FGF14: variants seen among roughly 807,000 people sequenced by gnomAD.
FGF14 encodes fibroblast growth factor 14, also known as fibroblast growth factor homologous factor 4.
Under a neutral mutation model 25.5 loss-of-function variants are expected in FGF14, and 5 were observed. The observed-to-expected ratio is 0.20, with a 90% confidence interval of 0.10 to 0.41. FGF14 has a LOEUF of 0.41. Among genes scored for constraint, FGF14 ranks in the 10% least tolerant of loss-of-function variants. The probability of loss-of-function intolerance (pLI) is 1.00; values close to 1 mark genes in which losing one functional copy is unlikely to be tolerated. For missense variants in FGF14, 222 were observed against 320.1 expected (o/e 0.69, Z 2.34); for synonymous variants, 138 against 118.3 (o/e 1.17, Z -1.08).
At chr13:102,259,328 AC>A (rs2052601883) in intron 1 of FGF14, among the ~76,000 whole-genome samples, 1 of 150,312 alleles carries the variant, frequency 6.7e-6, no homozygotes, top group Non-Finnish European at 1.5e-5. Flanking sequence ...GCACATCCCC[AC>A]CCCCTGCCAT....
chr13:101,912,359 C>T (rs2033035818), intron 1 of FGF14, among the ~76,000 whole-genome samples: 1 of 152,110 alleles, frequency 6.6e-6, no homozygotes, highest in South Asian at 2.1e-4. Flanking sequence ...AAGTAAATCT[C>T]AAGAAACAAC....
chr13:102,392,920 A>G (rs893970479), intron 1 of FGF14, among the ~76,000 whole-genome samples: 1 of 152,206 alleles, frequency 6.6e-6, no homozygotes, highest in Non-Finnish European at 1.5e-5. Context: ...AGATATGATC[A>G]TGACACAGAA....
chr13:101,858,926 G>A (rs2044266813), intron 3 of FGF14, among the ~76,000 whole-genome samples: 1 of 152,030 alleles, frequency 6.6e-6, no homozygotes, highest in Non-Finnish European at 1.5e-5. Flanking sequence ...TCTCTCTTAA[G>A]TTAAAGACGA....
At chr13:101,944,265 G>A (rs914639154) in intron 1 of FGF14, among the ~76,000 whole-genome samples, 2 of 152,264 alleles carry the variant, frequency 1.3e-5, no homozygotes, top group African/African-American at 4.8e-5. Context: ...AGGATTAAAT[G>A]AAGTAATGCA....
At chr13:101,784,982 T>G (rs1396120540) in intron 3 of FGF14, among the ~76,000 whole-genome samples, 2 of 152,136 alleles carry the variant, frequency 1.3e-5, no homozygotes, top group Non-Finnish European at 2.9e-5. Context: ...CAGGATCACT[T>G]CTAGCTTTAT....
rs142812502 is a variant in FGF14 at position 102,313,964 on chromosome 13, C to T, written c.208+87507G>A. ...ACTCAGGCAGAAAATGCAGCCATTA[C>T]GAAACAACTCTGCCAGGCTGAGGCC... is the stretch of plus-strand genomic sequence containing the variant. On this transcript the variant is annotated intron_variant, in intron 1 of 4. Coordinates refer to the FGF14 transcript ENST00000376131. 1.2e-3 allele frequency among the ~76,000 whole-genome samples: 187 copies of T among 152,248 alleles called. 2 individuals carry two copies. Among genetic ancestry groups the T allele is most frequent in the African/African-American group, 4.0e-3 (167 of 41,558 alleles).
intron 1 of FGF14, among the ~76,000 whole-genome samples, chr13:101,999,134 A>G (rs2039342715): frequency 6.6e-6 from 1 of 152,216 alleles, no homozygotes; most frequent in Non-Finnish European, 1.5e-5. Flanking sequence ...CCTCAACCTT[A>G]TTATCTAATT....
chr13:101,939,513 G>T (rs1594777971), intron 1 of FGF14, among the ~76,000 whole-genome samples: 1 of 152,164 alleles, frequency 6.6e-6, no homozygotes, highest in East Asian at 1.9e-4. Context: ...CTTAAGTAAG[G>T]TTGAGTGAAG....
At chr13:101,967,454 T>C (rs1441751257) in intron 1 of FGF14, among the ~76,000 whole-genome samples, 1 of 152,224 alleles carries the variant, frequency 6.6e-6, no homozygotes. Context: ...AAAGCTTGAT[T>C]ATTTCAAGGT....
chr13:101,907,186 A>G (rs569909419), intron 1 of FGF14, among the ~76,000 whole-genome samples: 1 of 152,298 alleles, frequency 6.6e-6, no homozygotes, highest in African/African-American at 2.4e-5. Flanking sequence ...CTGTCCAAAC[A>G]CAAATACATG....
chr13:102,297,230 C>T (rs941645715), intron 1 of FGF14, among the ~76,000 whole-genome samples: 1 of 152,038 alleles, frequency 6.6e-6, no homozygotes, highest in African/African-American at 2.4e-5. Flanking sequence ...GAAGAACATT[C>T]TACAAAATAC....
chr13:102,390,619 T>C (rs988622726), intron 1 of FGF14, among the ~76,000 whole-genome samples: 2 of 152,248 alleles, frequency 1.3e-5, no homozygotes, highest in Admixed American at 6.5e-5. Context: ...AATCTTTTCA[T>C]GCTTGGGCTT....
In FGF14 at chr13:102,241,757, A is replaced by G. The variant is rs144385270; in HGVS notation, c.208+159714T>C. ...GAAGAAAGAGTTTGTTTAGAGTACA[A>G]TGAAGATAGACAAACCACTGGGGAC... On this transcript the variant is annotated intron_variant, in intron 1 of 4. Transcript: ENST00000376131. 6.6e-4 allele frequency among the ~76,000 whole-genome samples: 101 copies of G among 152,250 alleles called. No homozygotes were observed. The East Asian group carries it at 0.015, about 22-fold the overall frequency.
chr13:101,953,035 TA>T (rs2036274178), intron 1 of FGF14, among the ~76,000 whole-genome samples: 1 of 59,132 alleles, frequency 1.7e-5, no homozygotes, highest in South Asian at 4.9e-4. Context: ...ACTCCATCTC[TA>T]AATAAATAAA....
chr13:101,926,631 C>G (rs904347059), intron 1 of FGF14, among the ~76,000 whole-genome samples: 3 of 152,190 alleles, frequency 2.0e-5, no homozygotes, highest in African/African-American at 7.2e-5. Context: ...TTATAACATG[C>G]CTTTCATGAG....
chr13:102,163,444 T>G (rs996987560), intron 1 of FGF14, among the ~76,000 whole-genome samples: 1 of 152,132 alleles, frequency 6.6e-6, no homozygotes, highest in Non-Finnish European at 1.5e-5. Context: ...AAAGCAGTGT[T>G]GAGGCTCTGC....
chr13:102,327,179 A>T (rs1045729426), intron 1 of FGF14, among the ~76,000 whole-genome samples: 1 of 152,214 alleles, frequency 6.6e-6, no homozygotes, highest in African/African-American at 2.4e-5. Context: ...AATTGCATAA[A>T]CTATTTAAGT....
At chr13:101,908,563 A>G (rs1940338376) in intron 1 of FGF14, among the ~76,000 whole-genome samples, 2 of 152,222 alleles carry the variant, frequency 1.3e-5, no homozygotes, top group Non-Finnish European at 2.9e-5. Flanking sequence ...AAAGAGAACT[A>G]CAAACCACTG....
At chr13:102,360,740 G>A (rs1382971503) in intron 1 of FGF14, among the ~76,000 whole-genome samples, 2 of 152,140 alleles carry the variant, frequency 1.3e-5, no homozygotes, top group African/African-American at 4.8e-5. Context: ...ATTCACACCT[G>A]TCTGAGAACA....
Sources: gnomAD v4.1 joint callset for allele counts (sites outside exome capture counted in the v4.1 genomes callset) on GRCh38, gnomAD v4.1.1 for gene constraint, MANE v1.5 for transcripts, NCBI Gene and HGNC (gene_info 2026-07-23, HGNC 2026-07-21) for gene names.